Variants in PLEKHM1 observed in about 807,000 individuals in gnomAD.
The protein encoded by PLEKHM1 is pleckstrin homology and RUN domain containing M1.
In PLEKHM1, 28 loss-of-function variants were observed where a neutral mutation model predicts 94.3. The observed-to-expected ratio is 0.30, with a 90% confidence interval of 0.22 to 0.41. The LOEUF (loss-of-function observed/expected upper bound fraction) is 0.41. Ranked by LOEUF, PLEKHM1 falls within the 10% of genes least tolerant of loss-of-function variation. The pLI is 1.00. For synonymous variants in PLEKHM1, 424 were observed against 581.2 expected (o/e 0.73, Z 3.89); for missense variants, 907 against 1,358.6 (o/e 0.67, Z 5.22).
In PLEKHM1 at chr17:45,437,454, A is replaced by T; in HGVS notation, c.*404T>A. 2.1e-6 allele frequency: 1 copy of T among 470,902 alleles called. No homozygotes were observed. The highest frequency in any genetic ancestry group is 4.2e-6 in the Non-Finnish European group (1 of 238,218). 29.2% of individuals were successfully genotyped at this position (470,902 alleles called of 1,614,324 possible). On this transcript the variant is annotated 3_prime_UTR_variant, in exon 12 of 12. Coordinates refer to ENST00000430334, the MANE Select transcript of PLEKHM1 (RefSeq NM_014798.3). This position sits in a 1 kb window ranked among gnomAD's most constrained non-coding sequence, Gnocchi z 4.0. ...AAAAAATACTTTCTGTTGAAATATG[A>T]ATGGGAAAAACCCACCTTAAAAAAC...
At chr17:45,456,749 G>C (rs2050963585) in intron 6 of PLEKHM1, among the ~76,000 whole-genome samples, 1 of 152,256 alleles carries the variant, frequency 6.6e-6, no homozygotes, top group South Asian at 2.1e-4. Context: ...AGGAGAGAAA[G>C]AGACCAATTC....
downstream of PLEKHM1, among the ~76,000 whole-genome samples, chr17:45,435,114 TTTCTC>T (rs2050227774): frequency 6.6e-6 from 1 of 152,058 alleles, no homozygotes; most frequent in Non-Finnish European, 1.5e-5. Context: ...CCTCTCCCAG[TTTCTC>T]TTCTCTTCTC....
rs1413077321 is a variant in PLEKHM1, at chr17:45,454,095, C to G, written c.1757G>C (p.Gly586Ala). ...AAAGCGCCCATCACTATGGGCTGGC[C>G]CCACAGACTCACAGCGAAGCAGCGA... ...NCSLLRCESV[G>A]PAHSDGRFEL... The change falls in exon 7 of 12, where the codon GGG (glycine) becomes GCG (alanine). Residue 586 changes from glycine to alanine, a missense_variant. Around this residue, in one of 3 missense-constraint regions of PLEKHM1, gnomAD observed 477 missense variants for 601.5 expected, o/e 0.79. Transcript: ENST00000430334. 6.2e-7 allele frequency: 1 copy of G among 1,614,184 alleles called. No individual in the cohort carries two copies. The highest frequency in any genetic ancestry group is 1.7e-5 in the Admixed American group (1 of 60,030).
intron 8 of PLEKHM1, among the ~76,000 whole-genome samples, chr17:45,449,657 T>A (rs1213235422): frequency 7.5e-6 from 1 of 133,140 alleles, no homozygotes; most frequent in African/African-American, 2.9e-5. Context: ...CACCTAACCA[T>A]CCACCTAGCC....
chr17:45,449,669 C>G (rs2050711823), intron 8 of PLEKHM1, among the ~76,000 whole-genome samples: 2 of 151,398 alleles, frequency 1.3e-5, no homozygotes, highest in Non-Finnish European at 2.9e-5. Context: ...CACCTAGCCA[C>G]CTGCTCATCC....
rs1273072046 is a variant in PLEKHM1, at chr17:45,445,249, CTGTG to C, written c.2837+217_2837+220del. On this transcript the variant is annotated intron_variant, in intron 9 of 11. Transcript: ENST00000430334. The surrounding 1 kb of genome is among the most constrained non-coding windows in gnomAD (Gnocchi z 4.2). ...GGACGCCTTGCCCTGGGCACTGCCC[CTGTG>C]TGTGTGTGCATGTGCACGAGTGCCT... is the stretch of plus-strand genomic sequence containing the variant. 9.2e-5 allele frequency among the ~76,000 whole-genome samples: 14 copies of C among 152,260 alleles called. No homozygotes were observed. The highest frequency in any genetic ancestry group is 2.9e-4 in the African/African-American group (12 of 41,566).
chr17:45,439,368 A>C (rs937044072), intron 11 of PLEKHM1, 109 bp downstream of exon 11: 67 of 1,261,580 alleles, frequency 5.3e-5, no homozygotes, highest in South Asian at 1.2e-4. Flanking sequence ...GTGGATGTTC[A>C]ATAAGTTCCT....
chr17:45,437,171 G>C lies in PLEKHM1; in HGVS notation c.*687C>G, dbSNP rs9911877. On this transcript the variant is annotated 3_prime_UTR_variant, in exon 12 of 12. Transcript: ENST00000430334. This position sits in a 1 kb window ranked among gnomAD's most constrained non-coding sequence, Gnocchi z 4.0. ...TGAGAAAGCGGTGGGCTCAGCAGGC[G>C]AGACGCACTGGGGTGGGGAGTAAAG... 5.9e-3 allele frequency: 2,695 copies of C among 453,044 alleles called. 52 individuals are homozygous for C. The highest frequency in any genetic ancestry group is 0.048 in the African/African-American group (2,429 of 50,106). 28.1% of individuals were successfully genotyped at this position (453,044 alleles called of 1,614,324 possible).
chr17:45,449,751 T>C (rs2050715108), intron 8 of PLEKHM1, among the ~76,000 whole-genome samples: 1 of 147,358 alleles, frequency 6.8e-6, no homozygotes, highest in Admixed American at 6.7e-5. Flanking sequence ...CCTACCTACC[T>C]GCCCATCCAC....
chr17:45,450,220 C>T (rs1244934429), intron 8 of PLEKHM1, among the ~76,000 whole-genome samples: 2 of 151,440 alleles, frequency 1.3e-5, no homozygotes, highest in Non-Finnish European at 2.9e-5. Flanking sequence ...TACCTACCTG[C>T]CCAGCCCCCT....
At position 45,437,825 on chromosome 17, in the gene PLEKHM1, C is replaced by T. The variant is rs1448888564; in HGVS notation, c.*33G>A. 1.3e-6 allele frequency: 2 copies of T among 1,539,558 alleles called. No individual in the cohort carries two copies. The highest frequency in any genetic ancestry group is 2.2e-5 in the South Asian group (2 of 89,658). ...CCGGGATGGCTGAGCCACACTCACCCCCGGCTTTCAGAGCGGGGTCAGCAG... is the reference window on the plus strand; with the variant it reads ...CCGGGATGGCTGAGCCACACTCACCTCCGGCTTTCAGAGCGGGGTCAGCAG... On this transcript the variant is annotated 3_prime_UTR_variant, in exon 12 of 12. Coordinates refer to ENST00000430334, the MANE Select transcript of PLEKHM1 (RefSeq NM_014798.3). The surrounding 1 kb of genome is among the most constrained non-coding windows in gnomAD (Gnocchi z 4.0).
At chr17:45,463,089 A>C (rs1269198618) in intron 5 of PLEKHM1, among the ~76,000 whole-genome samples, 2 of 150,942 alleles carry the variant, frequency 1.3e-5, no homozygotes, top group African/African-American at 2.4e-5. Context: ...CTGTGTCAAA[A>C]AAAAAAAAAA....
chr17:45,447,110 G>A (rs2050630835), intron 8 of PLEKHM1, among the ~76,000 whole-genome samples: 1 of 152,224 alleles, frequency 6.6e-6, no homozygotes, highest in South Asian at 2.1e-4. Flanking sequence ...CCCAGTAAAT[G>A]TGAGCTGCTA....
At chr17:45,488,121 G>T (rs1341732607) in intron 1 of PLEKHM1, among the ~76,000 whole-genome samples, 1 of 152,208 alleles carries the variant, frequency 6.6e-6, no homozygotes, top group African/African-American at 2.4e-5. Context: ...GAAACTTTTA[G>T]CTTGTGATTC....
At chr17:45,439,983 G>T (rs1314666386) in intron 10 of PLEKHM1, 180 bp downstream of exon 10, 8 of 669,044 alleles carry the variant, frequency 1.2e-5, no homozygotes, top group Non-Finnish European at 2.1e-5. Flanking sequence ...GGTGCTGGGG[G>T]TATCCGTCCC....
downstream of PLEKHM1, chr17:45,435,843 ATGGCTGGTGGTCTCCCCCCTGGCCG>A: frequency 2.4e-6 from 1 of 413,472 alleles, no homozygotes; most frequent in South Asian, 1.8e-5. Flanking sequence ...ATGGTAACAG[ATGGCTGGTGGTCTCCCCCCTGGCCG>A]TGGCAGTGTT....
intron 2 of PLEKHM1, among the ~76,000 whole-genome samples, chr17:45,480,300 T>C (rs1305920786): frequency 6.6e-6 from 1 of 152,120 alleles, no homozygotes; most frequent in Non-Finnish European, 1.5e-5. Flanking sequence ...CTGGCCAACA[T>C]GGTGAAACCC....
intron 4 of PLEKHM1, among the ~76,000 whole-genome samples, chr17:45,472,498 T>C (rs1321093318): frequency 1.3e-5 from 2 of 152,160 alleles, no homozygotes; most frequent in African/African-American, 4.8e-5. Context: ...CTGGCTGGTC[T>C]GCAGAGGAGG....
intron 6 of PLEKHM1, among the ~76,000 whole-genome samples, chr17:45,457,365 A>C (rs1364538469): frequency 6.6e-6 from 1 of 151,830 alleles, no homozygotes; most frequent in Admixed American, 6.6e-5. Flanking sequence ...GGAGTTGGAG[A>C]CCAGCCTAAC....
Sources: allele counts gnomAD v4.1 joint callset (sites outside exome capture counted in the v4.1 genomes callset), GRCh38; gene constraint gnomAD v4.1.1; regional missense constraint gnomAD v4.1.1; non-coding constraint Gnocchi (gnomAD v3.1); transcripts MANE v1.5; gene names NCBI Gene and HGNC (gene_info 2026-07-23, HGNC 2026-07-21).